The following PTPRQ variants were observed in gnomAD, a reference collection of about 807,000 sequenced individuals.
The protein encoded by PTPRQ is protein tyrosine phosphatase receptor type Q, also known as phosphatidylinositol phosphatase PTPRQ.
A neutral mutation model predicts 246.0 loss-of-function variants in PTPRQ; 199 were observed. That is an observed-to-expected ratio of 0.81 (90% confidence interval 0.72 to 0.91). The LOEUF is 0.91. PTPRQ is among the 40% of genes least tolerant of loss of function. PTPRQ has a pLI of 0.00. For missense variants in PTPRQ, 2,624 were observed against 2,528.4 expected (o/e 1.04, Z -0.81); for synonymous variants, 869 against 853.2 (o/e 1.02, Z -0.32).
chr12:80,465,691 C>A (rs1274394136), intron 6 of PTPRQ, among the ~76,000 whole-genome samples: 2 of 152,074 alleles, frequency 1.3e-5, no homozygotes, highest in African/African-American at 4.8e-5. Context: ...GGATGCAAGG[C>A]TGGTTCAATA....
chr12:80,648,610 G>A (rs1727363335), intron 35 of PTPRQ, among the ~76,000 whole-genome samples: 1 of 151,964 alleles, frequency 6.6e-6, no homozygotes, highest in South Asian at 2.1e-4. Flanking sequence ...TATTTTTAAT[G>A]TAGTATCCTA....
chr12:80,561,067 A>G (rs892641865), intron 25 of PTPRQ: 2 of 152,792 alleles, frequency 1.3e-5, no homozygotes, highest in Admixed American at 6.5e-5. Context: ...GATCACATGT[A>G]AGTTTCACAA....
chr12:80,654,585 C>T (rs1312726751), intron 38 of PTPRQ, among the ~76,000 whole-genome samples: 13 of 151,766 alleles, frequency 8.6e-5, no homozygotes, highest in African/African-American at 1.2e-4. Flanking sequence ...CGGTGGCTCA[C>T]GCCTGTAATC....
chr12:80,595,772 GT>G (rs1404772860), intron 26 of PTPRQ, among the ~76,000 whole-genome samples: 1 of 139,124 alleles, frequency 7.2e-6, no homozygotes. Flanking sequence ...GTGTCCATGT[GT>G]TCGCATTGTT....
rs1895944240 is a variant in PTPRQ, at chr12:80,534,964, C to T, written c.2912C>T (p.Pro971Leu). ...SSSSIILFWT[P>L]PSKPNGIIQY... ...TCATCAATAATTCTTTTCTGGACAC[C>T]TCCTTCAAAACCTAATGGGATTATA... The change falls in exon 19 of 45, where the codon CCT becomes CTT. Residue 971 changes from proline to leucine, a missense_variant. Coordinates refer to ENST00000644991, the MANE Select transcript of PTPRQ (RefSeq NM_001145026.2). 6.5e-7 allele frequency: 1 copy of T among 1,550,052 alleles called. No homozygotes were observed. The highest frequency in any genetic ancestry group is 8.7e-7 in the Non-Finnish European group (1 of 1,146,294).
chr12:80,460,279 A>C (rs34243691), intron 5 of PTPRQ, among the ~76,000 whole-genome samples: 12,288 of 152,256 alleles, frequency 0.081, 593 homozygotes, highest in East Asian at 0.21. Context: ...GAGAAAAAAA[A>C]GTTCATTAAC....
intron 33 of PTPRQ, 77 bp downstream of exon 33, chr12:80,622,211 T>A (rs1899021331): frequency 9.3e-7 from 1 of 1,079,216 alleles, no homozygotes; most frequent in Admixed American, 4.0e-5. Flanking sequence ...AATGTATTAA[T>A]CCATGTCTAG....
chr12:80,531,114 C>G (rs922036403), intron 17 of PTPRQ, among the ~76,000 whole-genome samples: 3 of 151,834 alleles, frequency 2.0e-5, no homozygotes, highest in Non-Finnish European at 2.9e-5. Flanking sequence ...AAAGATACTT[C>G]TTTAAGGATA....
chr12:80,478,347 C>T (rs1393577787), intron 8 of PTPRQ, among the ~76,000 whole-genome samples: 1 of 152,096 alleles, frequency 6.6e-6, no homozygotes, highest in South Asian at 2.1e-4. Context: ...AACTAACAAA[C>T]AGAAAGGACA....
At chr12:80,653,936 A>T (rs1178012444) in intron 38 of PTPRQ, among the ~76,000 whole-genome samples, 1 of 152,200 alleles carries the variant, frequency 6.6e-6, no homozygotes, top group Non-Finnish European at 1.5e-5. Flanking sequence ...AAAACAAATC[A>T]TAAGTAAATG....
intron 33 of PTPRQ, among the ~76,000 whole-genome samples, chr12:80,630,719 A>G (rs1483099028): frequency 3.3e-5 from 5 of 151,540 alleles, no homozygotes; most frequent in Non-Finnish European, 7.4e-5. Context: ...CTGATTATTA[A>G]TTTTTTTTTA....
At chr12:80,648,263 T>A (rs1184296104) in intron 35 of PTPRQ, among the ~76,000 whole-genome samples, 1 of 152,134 alleles carries the variant, frequency 6.6e-6, no homozygotes, top group Non-Finnish European at 1.5e-5. Context: ...TTGTTGTGCA[T>A]GACGTAAGTG....
chr12:80,468,549 C>T (rs1351059925), intron 6 of PTPRQ, among the ~76,000 whole-genome samples, 161 bp from the exon 7 acceptor site: 1 of 152,064 alleles, frequency 6.6e-6, no homozygotes, highest in Non-Finnish European at 1.5e-5. Flanking sequence ...TCACAATTTT[C>T]AATTATATTC....
Position 80,608,020 on chromosome 12 carries a change from TA to T in PTPRQ, c.4732-2416del, listed in dbSNP as rs1182227842. Among the ~76,000 whole-genome samples the T allele has an allele frequency of 6.6e-5, 10 of 150,866 alleles. No individual in the cohort carries two copies. The South Asian group carries it at 1.5e-3, about 22-fold the overall frequency. On this transcript the variant is annotated intron_variant, in intron 27 of 44. Coordinates refer to ENST00000644991, the MANE Select transcript of PTPRQ (RefSeq NM_001145026.2). ...GGGGAATATAAGGTAACAAAATAAT[TA>T]AAGTTCCTGTTATGGGAGGAATAGA...
At chr12:80,612,913 T>C (rs1274358622) in intron 28 of PTPRQ, among the ~76,000 whole-genome samples, 1 of 150,558 alleles carries the variant, frequency 6.6e-6, no homozygotes, top group African/African-American at 2.4e-5. Flanking sequence ...TGTGCTATTG[T>C]CATTTTCAAA....
chr12:80,570,728 TA>T (rs1230045619), intron 25 of PTPRQ, among the ~76,000 whole-genome samples: 1 of 152,238 alleles, frequency 6.6e-6, no homozygotes, highest in Middle Eastern at 3.2e-3. Flanking sequence ...GTTTTACATT[TA>T]AGTCTTTAAT....
chr12:80,588,115 C>T lies in PTPRQ; in HGVS notation c.4286-14C>T. 6.7e-7 allele frequency: 1 copy of T among 1,493,926 alleles called. No individual in the cohort carries two copies. The highest frequency in any genetic ancestry group is 8.9e-7 in the Non-Finnish European group (1 of 1,121,772). 92.5% of individuals were successfully genotyped at this position (1,493,926 alleles called of 1,614,324 possible). On this transcript the variant is annotated splice_polypyrimidine_tract_variant and intron_variant, in intron 25 of 44. Transcript: ENST00000644991. ...TAATTGTAACTGCTTTTAATTTTTC[C>T]CTTTAATTTTTAGTTCCCAGTGTTC...
chr12:80,471,445 T>A (rs1893621465), intron 7 of PTPRQ, among the ~76,000 whole-genome samples: 1 of 150,666 alleles, frequency 6.6e-6, no homozygotes, highest in Admixed American at 6.6e-5. Flanking sequence ...AAATATATCC[T>A]CTTATAGAAG....
intron 35 of PTPRQ, among the ~76,000 whole-genome samples, chr12:80,647,550 A>C (rs2121217196): frequency 6.6e-6 from 1 of 152,242 alleles, no homozygotes; most frequent in Non-Finnish European, 1.5e-5. Flanking sequence ...TTTTTAACAA[A>C]GATTGATTGT....
Sources: gnomAD v4.1 joint callset for allele counts (sites outside exome capture counted in the v4.1 genomes callset) on GRCh38, gnomAD v4.1.1 for gene constraint, MANE v1.5 for transcripts, NCBI Gene and HGNC (gene_info 2026-07-23, HGNC 2026-07-21) for gene names.